RPP25: variants seen among roughly 807,000 people sequenced by gnomAD.
The protein encoded by RPP25 is ribonuclease P protein subunit p25.
In RPP25, 2 loss-of-function variants were observed where a neutral mutation model predicts 4.4. The ratio of observed to expected loss-of-function variants is 0.45; its 90% confidence interval spans 0.19 to 1.43. The LOEUF (loss-of-function observed/expected upper bound fraction) is 1.43. RPP25 is among the 40% of genes most tolerant of loss of function. The pLI, the probability that RPP25 is intolerant of heterozygous loss-of-function variation, is 0.26. For synonymous variants in RPP25, 144 were observed against 136.2 expected (o/e 1.06, Z -0.40); for missense variants, 319 against 293.8 (o/e 1.09, Z -0.63).
Position 74,956,170 on chromosome 15 carries a change from T to C in RPP25, c.414A>G (p.Leu138=), listed in dbSNP as rs1191934535. 11 of 1,590,948 alleles carry C rather than the reference T, an allele frequency of 6.9e-6. No homozygotes were observed. In the Admixed American group the frequency reaches 1.4e-4, roughly 21 times the overall value. ...GCGGATCCAGCGCGTCCTTGGAAAG[T>C]AGGATGGCGAGGCCGGGCACGTTCT... The part of the protein sequence containing the change: ...VLKNVPGLAI[L]LSKDALDPRQ... Residue 138 remains leucine, a synonymous_variant, in exon 1 of 1, where the codon CTA becomes CTG. Coordinates refer to ENST00000322177, the MANE Select transcript of RPP25 (RefSeq NM_017793.3).
In RPP25 at chr15:74,956,081, G is replaced by T. The variant is rs753373489; in HGVS notation, c.503C>A (p.Ala168Glu). 2 of 1,610,004 alleles carry T rather than the reference G, an allele frequency of 1.2e-6. No homozygotes were observed. Among genetic ancestry groups the T allele is most frequent in the South Asian group, 2.2e-5 (2 of 90,476 alleles). The change falls in exon 1 of 1, where the codon GCG becomes GAG. Residue 168 changes from alanine to glutamate, a missense_variant. By Grantham distance (107) the Ala-to-Glu change is moderately radical (BLOSUM62 -1). Coordinates refer to ENST00000322177, the MANE Select transcript of RPP25 (RefSeq NM_017793.3). ...GGGTTCCCCTAGGCTCCTCTTGGAC[G>T]CTGGCGCGGCTGGCGGGGACGAGGG... ...PGPSSPPAAP[A>E]SKRSLGEPAA...
chr15:74,956,155 C>T lies in RPP25; in HGVS notation c.429G>A (p.Ala143=), dbSNP rs1240427339. The part of the protein sequence containing the change: ...PGLAILLSKD[A]LDPRQPGYQP... ...GGTAGCCGGGCTGTCGCGGATCCAG[C>T]GCGTCCTTGGAAAGTAGGATGGCGA... The change falls in exon 1 of 1, where the codon GCG becomes GCA. Residue 143 remains alanine, a synonymous_variant. Coordinates refer to ENST00000322177, the MANE Select transcript of RPP25 (RefSeq NM_017793.3). 1.3e-6 allele frequency: 2 copies of T among 1,598,892 alleles called. No homozygotes were observed. The highest frequency in any genetic ancestry group is 8.5e-7 in the Non-Finnish European group (1 of 1,173,750).
At position 74,956,215 on chromosome 15, in the gene RPP25, G is replaced by A. The variant is rs750301069; in HGVS notation, c.369C>T (p.Ala123=). Residue 123 remains alanine (A), a synonymous_variant, in exon 1 of 1, where the codon GCC becomes GCT. Transcript: ENST00000322177. The stretch of plus-strand genomic sequence containing the variant: ...CGTTCTTAAGTACGCTGAGACTAGC[G>A]GCCGGCTCGCCAGGCGTCTGACCCT... ...PTQGQTPGEP[A]ASLSVLKNVP... 2 of 1,563,292 alleles carry A rather than the reference G, an allele frequency of 1.3e-6. No homozygotes were observed. The highest frequency in any genetic ancestry group is 2.3e-5 in the South Asian group (2 of 85,864).
rs561162509 is a variant in RPP25, at chr15:74,955,141, G to A, written c.*843C>T. On this transcript the variant is annotated 3_prime_UTR_variant, in exon 1 of 1. Transcript: ENST00000322177. Reference sequence around the variant, plus strand: ...GGAGAGAGGAAGAAGCCAGGGACTGGGCAGTGCCTTGCACCATTTTGAAGC... The same window carrying A: ...GGAGAGAGGAAGAAGCCAGGGACTGAGCAGTGCCTTGCACCATTTTGAAGC... 6.5e-6 allele frequency: 1 copy of A among 152,816 alleles called. No homozygotes were observed. The highest frequency in any genetic ancestry group is 2.4e-5 in the African/African-American group (1 of 41,602). 9.5% of individuals were successfully genotyped at this position (152,816 alleles called of 1,614,324 possible). A position where few individuals can be genotyped will look rare whatever the true frequency, so the allele number is the denominator to read the frequency against.
chr15:74,956,704 G>A lies in RPP25; in HGVS notation c.-121C>T, dbSNP rs894235026. On this transcript the variant is annotated 5_prime_UTR_variant, in exon 1 of 1. Transcript: ENST00000322177. ...GTAAGGGCGCCGGAGCAGCGCAGAC[G>A]CCGGCGGGCGGGCTGGGACGGCGCG... is the stretch of plus-strand genomic sequence containing the variant. 74 of 1,183,312 alleles carry A rather than the reference G, an allele frequency of 6.3e-5. No individual in the cohort carries two copies. Among genetic ancestry groups the A allele is most frequent in the Non-Finnish European group, 7.8e-5 (72 of 918,778 alleles). The allele number at this position is 1,183,312 out of a possible 1,614,324, so 73.3% of individuals were successfully genotyped here. A position where few individuals can be genotyped will look rare whatever the true frequency, so the allele number is the denominator to read the frequency against.
Position 74,956,484 on chromosome 15 carries a change from C to A in RPP25, c.100G>T (p.Gly34Cys). 6.4e-7 allele frequency: 1 copy of A among 1,550,456 alleles called. No homozygotes were observed. Among genetic ancestry groups the A allele is most frequent in the Non-Finnish European group, 8.7e-7 (1 of 1,151,090 alleles). The change falls in exon 1 of 1, where the codon GGC (glycine) becomes TGC (cysteine). Residue 34 changes from glycine (G) to cysteine (C), a missense_variant. By Grantham distance (159) the Gly-to-Cys change is radical. Transcript: ENST00000322177. ...TCCTTGACCCGCATGTGCACCGCGCCCGGCGCCAGGTCTGCGAAGGGGCCG... is the reference window on the plus strand; with the variant it reads ...TCCTTGACCCGCATGTGCACCGCGCACGGCGCCAGGTCTGCGAAGGGGCCG... Reference protein sequence around the residue: ...GSGPFADLAPGAVHMRVKEGS... With the variant: ...GSGPFADLAPCAVHMRVKEGS...
chr15:74,954,814 TCAGA>T lies in RPP25; in HGVS notation c.*1166_*1169del, dbSNP rs1422428660. Reference sequence around the variant, plus strand: ...TTTCCCAAGGGTGTGCTGTCCTTTCTCAGAGAGAGGGCAGTGAAGGGGAGATCCT... The same window carrying T: ...TTTCCCAAGGGTGTGCTGTCCTTTCTGAGAGGGCAGTGAAGGGGAGATCCT... On this transcript the variant is annotated 3_prime_UTR_variant, in exon 1 of 1. Transcript: ENST00000322177. The T allele has an allele frequency of 1.3e-5, 2 of 152,224 alleles. No homozygotes were observed. The highest frequency in any genetic ancestry group is 2.9e-5 in the Non-Finnish European group (2 of 68,078). The allele number at this position is 152,224 out of a possible 1,614,324, so 9.4% of individuals were successfully genotyped here.
In RPP25 at chr15:74,956,502, A is replaced by G; in HGVS notation, c.82T>C (p.Phe28Leu). ...ACCGCGCCCGGCGCCAGGTCTGCGA[A>G]GGGGCCGGAGCCCGGGCCGCCTCCC... ...AEGGGPGSGP[F>L]ADLAPGAVHM... Residue 28 changes from phenylalanine to leucine, a missense_variant, in exon 1 of 1, where the codon TTC becomes CTC. Coordinates refer to ENST00000322177, the MANE Select transcript of RPP25 (RefSeq NM_017793.3). The G allele has an allele frequency of 6.5e-7, 1 of 1,540,474 alleles. No homozygotes were observed.
rs1032746042 is a variant in RPP25, at chr15:74,956,370, G to C, written c.214C>G (p.Arg72Gly). The change falls in exon 1 of 1, where the codon CGG (arginine) becomes GGG (glycine). Residue 72 changes from arginine to glycine, a missense_variant. Coordinates refer to ENST00000322177, the MANE Select transcript of RPP25 (RefSeq NM_017793.3). ...TRAIVFSGCGRATTKTVTCAE... is the reference protein window; with the variant it reads ...TRAIVFSGCGGATTKTVTCAE... Reference sequence around the variant, plus strand: ...CACGTGACGGTTTTGGTGGTGGCCCGGCCGCAGCCGCTGAAGACGATGGCG... The same window carrying C: ...CACGTGACGGTTTTGGTGGTGGCCCCGCCGCAGCCGCTGAAGACGATGGCG... The C allele has an allele frequency of 3.1e-6, 5 of 1,602,846 alleles. No homozygotes were observed. Among genetic ancestry groups the C allele is most frequent in the Non-Finnish European group, 4.2e-6 (5 of 1,178,496 alleles).
At position 74,956,348 on chromosome 15, in the gene RPP25, G is replaced by A. The variant is rs753828209; in HGVS notation, c.236C>T (p.Thr79Met). ...GCGGCGCTTGAGGATCTCGGCGCAC[G>A]TGACGGTTTTGGTGGTGGCCCGGCC... ...GCGRATTKTV[T>M]CAEILKRRLA... Residue 79 changes from threonine to methionine, a missense_variant, in exon 1 of 1, where the codon ACG (threonine) becomes ATG (methionine). Thr to Met is a moderately conservative substitution (Grantham distance 81). Transcript: ENST00000322177. The A allele has an allele frequency of 2.5e-6, 4 of 1,602,364 alleles. No individual in the cohort carries two copies. The highest frequency in any genetic ancestry group is 1.1e-5 in the South Asian group (1 of 90,800).
Position 74,955,901 on chromosome 15 carries a change from G to A in RPP25, c.*83C>T, listed in dbSNP as rs2065467286. The A allele has an allele frequency of 6.4e-7, 1 of 1,561,344 alleles. No individual in the cohort carries two copies. Among genetic ancestry groups the A allele is most frequent in the African/African-American group, 1.4e-5 (1 of 73,866 alleles). On this transcript the variant is annotated 3_prime_UTR_variant, in exon 1 of 1. Transcript: ENST00000322177. ...CAGGTTGTGGGCTCCGGAGGACCGA[G>A]GAGTGAAAGGCTGGAGGTACATCTG...
Position 74,956,042 on chromosome 15 carries a change from C to A in RPP25, c.542G>T (p.Gly181Val), listed in dbSNP as rs746864831. The A allele has an allele frequency of 6.2e-7, 1 of 1,611,610 alleles. No individual in the cohort carries two copies. The highest frequency in any genetic ancestry group is 8.5e-7 in the Non-Finnish European group (1 of 1,179,474). Residue 181 changes from glycine to valine, a missense_variant, in exon 1 of 1, where the codon GGC becomes GTC. Coordinates refer to ENST00000322177, the MANE Select transcript of RPP25 (RefSeq NM_017793.3). ...CTCGGGTTGCGATCGCTTCGCGGAG[C>A]CTTCTCCAGCTGCGGGTTCCCCTAG... Reference protein sequence around the residue: ...RSLGEPAAGEGSAKRSQPEPG... With the variant: ...RSLGEPAAGEVSAKRSQPEPG...
Position 74,956,252 on chromosome 15 carries a change from G to T in RPP25, c.332C>A (p.Pro111His). Residue 111 changes from proline (P) to histidine (H), a missense_variant, in exon 1 of 1, where the codon CCT becomes CAT. Pro to His is a moderately conservative substitution (Grantham distance 77). Coordinates refer to ENST00000322177, the MANE Select transcript of RPP25 (RefSeq NM_017793.3). ...SVREVWQSLP[P>H]GPTQGQTPGE... ...AGGCGTCTGACCCTGCGTGGGCCCA[G>T]GCGGGAGGCTCTGCCACACCTCGCG... 6.3e-7 allele frequency: 1 copy of T among 1,579,762 alleles called. No homozygotes were observed.
Position 74,956,597 on chromosome 15 carries a change from C to T in RPP25, c.-14G>A, listed in dbSNP as rs760825207. 6 of 1,430,784 alleles carry T rather than the reference C, an allele frequency of 4.2e-6. No individual in the cohort carries two copies. The African/African-American group carries it at 9.0e-5, about 22-fold the overall frequency. The allele number at this position is 1,430,784 out of a possible 1,614,324, so 88.6% of individuals were successfully genotyped here. A position where few individuals can be genotyped will look rare whatever the true frequency, so the allele number is the denominator to read the frequency against. On this transcript the variant is annotated 5_prime_UTR_variant, in exon 1 of 1. Coordinates refer to ENST00000322177, the MANE Select transcript of RPP25 (RefSeq NM_017793.3). ...GAAGTTCTCCATGCGCCGTCGTCGC[C>T]GGGACCGCCGGCTTTGCCATGGGGC...
At position 74,955,766 on chromosome 15, in the gene RPP25, A is replaced by C; in HGVS notation, c.*218T>G. The C allele has an allele frequency of 1.7e-6, 1 of 598,818 alleles. No homozygotes were observed. Among genetic ancestry groups the C allele is most frequent in the African/African-American group, 1.9e-5 (1 of 53,108 alleles). 37.1% of individuals were successfully genotyped at this position (598,818 alleles called of 1,614,324 possible). ...TTCACGCAACACGGGCATAAGCAGC[A>C]ATTATCGCACGAAGTTTCCCTAGGG... On this transcript the variant is annotated 3_prime_UTR_variant, in exon 1 of 1. Transcript: ENST00000322177.
Position 74,955,785 on chromosome 15 carries a change from C to T in RPP25, c.*199G>A. The T allele has an allele frequency of 1.5e-6, 1 of 650,262 alleles. No homozygotes were observed. The highest frequency in any genetic ancestry group is 2.6e-6 in the Non-Finnish European group (1 of 386,324). The allele number at this position is 650,262 out of a possible 1,614,324, so 40.3% of individuals were successfully genotyped here. A position where few individuals can be genotyped will look rare whatever the true frequency, so the allele number is the denominator to read the frequency against. On this transcript the variant is annotated 3_prime_UTR_variant, in exon 1 of 1. Transcript: ENST00000322177. Reference sequence around the variant, plus strand: ...AGCAGCAATTATCGCACGAAGTTTCCCTAGGGTGGTCGGGGATCCTCTCCT... The same window carrying T: ...AGCAGCAATTATCGCACGAAGTTTCTCTAGGGTGGTCGGGGATCCTCTCCT...
Position 74,954,603 on chromosome 15 carries a change from A to C in RPP25, c.*1381T>G. The C allele has an allele frequency of 6.6e-6, 1 of 151,828 alleles. No homozygotes were observed. Among genetic ancestry groups the C allele is most frequent in the African/African-American group, 2.4e-5 (1 of 41,024 alleles). The allele number at this position is 151,828 out of a possible 1,614,324, so 9.4% of individuals were successfully genotyped here. ...TCTTCCAGCACACAGCAGCACCCCCACCCCCCAGCTGGCTTGGAGTTGGGC... is the reference window on the plus strand; with the variant it reads ...TCTTCCAGCACACAGCAGCACCCCCCCCCCCCAGCTGGCTTGGAGTTGGGC... On this transcript the variant is annotated 3_prime_UTR_variant, in exon 1 of 1. Transcript: ENST00000322177.
Position 74,956,074 on chromosome 15 carries a change from C to T in RPP25, c.510G>A (p.Lys170=). The change falls in exon 1 of 1, where the codon AAG becomes AAA. Residue 170 remains lysine (K), a synonymous_variant. Transcript: ENST00000322177. The part of the protein sequence containing the change: ...PSSPPAAPAS[K]RSLGEPAAGE... ...CAGCTGCGGGTTCCCCTAGGCTCCT[C>T]TTGGACGCTGGCGCGGCTGGCGGGG... The T allele has an allele frequency of 1.2e-6, 2 of 1,611,060 alleles. No individual in the cohort carries two copies. The highest frequency in any genetic ancestry group is 8.5e-7 in the Non-Finnish European group (1 of 1,179,308).
In RPP25 at chr15:74,956,607, GGCTTTGCCATGGGGCGGCCTCAGCCCC is replaced by G; in HGVS notation, c.-51_-25del. 7.0e-7 allele frequency: 1 copy of G among 1,427,282 alleles called. No individual in the cohort carries two copies. Among genetic ancestry groups the G allele is most frequent in the South Asian group, 1.5e-5 (1 of 66,572 alleles). 88.4% of individuals were successfully genotyped at this position (1,427,282 alleles called of 1,614,324 possible). ...ATGCGCCGTCGTCGCCGGGACCGCC[GGCTTTGCCATGGGGCGGCCTCAGCCCC>G]GGGGCTGCATGGCCGCCGGTCGCGC... On this transcript the variant is annotated 5_prime_UTR_variant, in exon 1 of 1. The change abolishes an upstream ATG in the 5' untranslated region. Coordinates refer to ENST00000322177, the MANE Select transcript of RPP25 (RefSeq NM_017793.3).
Sources: allele counts gnomAD v4.1 joint callset, GRCh38; gene constraint gnomAD v4.1.1; transcripts MANE v1.5; gene names NCBI Gene and HGNC (gene_info 2026-07-23, HGNC 2026-07-21).